The following SEZ6 variants were observed in gnomAD, a reference collection of about 807,000 sequenced individuals.
The protein encoded by SEZ6 is seizure related 6 homolog.
Under a neutral mutation model 101.0 loss-of-function variants are expected in SEZ6, and 53 were observed. The ratio of observed to expected loss-of-function variants is 0.52; its 90% CI spans 0.42 to 0.66. SEZ6 has a LOEUF of 0.66. Among genes scored for constraint, SEZ6 ranks in the 30% least tolerant of loss-of-function variants. The pLI, the probability that SEZ6 is intolerant of heterozygous loss-of-function variation, is 0.00. For synonymous variants in SEZ6, 488 were observed against 512.2 expected (o/e 0.95, Z 0.64); for missense variants, 1,102 against 1,289.4 (o/e 0.85, Z 2.23).
At chr17:28,975,809 C>T (rs539176789) in intron 3 of SEZ6, among the ~76,000 whole-genome samples, 5 of 152,322 alleles carry the variant, frequency 3.3e-5, no homozygotes, top group East Asian at 3.9e-4. Context: ...ACCTGGGGCA[C>T]GAGGGCAGGG....
rs374347358 is a variant in SEZ6 at position 28,971,071 on chromosome 17, G to A, written c.859-1119C>T. Among the ~76,000 whole-genome samples the A allele has an allele frequency of 6.6e-5, 10 of 152,284 alleles. 1 individual carries two copies. The South Asian group carries it at 1.9e-3, about 28-fold the overall frequency. ...AGGCAAACAAGGATTGGACAACGAC[G>A]GACTCTGCCCAGAGGGAAATTAGCA... On this transcript the variant is annotated intron_variant, in intron 3 of 16. Transcript: ENST00000317338.
At chr17:28,989,046 T>TG (rs1331561897) in intron 1 of SEZ6, among the ~76,000 whole-genome samples, 7 of 152,124 alleles carry the variant, frequency 4.6e-5, no homozygotes, top group African/African-American at 1.7e-4. Flanking sequence ...TCTCCAGAGT[T>TG]GGGGTCTCAC....
intron 1 of SEZ6, among the ~76,000 whole-genome samples, chr17:28,990,906 T>A (rs1308170809): frequency 2.0e-5 from 3 of 151,556 alleles, no homozygotes; most frequent in Non-Finnish European, 4.4e-5. Context: ...TTTATTTATT[T>A]ATTAAAAAAA....
At chr17:28,985,999 A>C (rs1304599671) in intron 1 of SEZ6, among the ~76,000 whole-genome samples, 1 of 151,450 alleles carries the variant, frequency 6.6e-6, no homozygotes, top group Non-Finnish European at 1.5e-5. Flanking sequence ...TCCGGGAAAC[A>C]CCCCTCCCTT....
intron 5 of SEZ6, among the ~76,000 whole-genome samples, chr17:28,961,590 T>C (rs1220708589): frequency 6.6e-6 from 1 of 152,226 alleles, no homozygotes; most frequent in Non-Finnish European, 1.5e-5. Flanking sequence ...TCACTACCAC[T>C]GCCGTTCCTG....
chr17:28,978,865 G>A (rs2041260004), intron 3 of SEZ6, among the ~76,000 whole-genome samples: 1 of 152,106 alleles, frequency 6.6e-6, no homozygotes. Context: ...TGTGGGGATG[G>A]AGGGAGAGAA....
At chr17:28,982,997 G>A (rs2041331924) in intron 1 of SEZ6, among the ~76,000 whole-genome samples, 1 of 152,218 alleles carries the variant, frequency 6.6e-6, no homozygotes, top group Admixed American at 6.5e-5. Context: ...TAGGGGCCCA[G>A]TAGTTTCTCT....
chr17:28,981,585 C>A lies in SEZ6; in HGVS notation c.510G>T (p.Glu170Asp). Reference protein sequence around the residue: ...SMAVPTLGPGEIASTTPPSRA... With the variant: ...SMAVPTLGPGDIASTTPPSRA... Reference sequence around the variant, plus strand: ...TGCTGGGGGGTGTAGTGCTGGCTATCTCCCCTGGGCCTAGGGTGGGCACTG... The same window carrying A: ...TGCTGGGGGGTGTAGTGCTGGCTATATCCCCTGGGCCTAGGGTGGGCACTG... Residue 170 changes from glutamate to aspartate, a missense_variant, in exon 2 of 17, where the codon GAG becomes GAT. By Grantham distance (45) the Glu-to-Asp change is conservative. Around this residue, in one of 3 missense-constraint regions of SEZ6, gnomAD observed 406 missense variants for 418.6 expected, o/e 0.97. Coordinates refer to ENST00000317338, the MANE Select transcript of SEZ6 (RefSeq NM_178860.5). 2 of 1,607,668 alleles carry A rather than the reference C, an allele frequency of 1.2e-6. No homozygotes were observed. Among genetic ancestry groups the A allele is most frequent in the Non-Finnish European group, 1.7e-6 (2 of 1,175,570 alleles).
At chr17:28,971,318 C>T (rs2041148171) in intron 3 of SEZ6, among the ~76,000 whole-genome samples, 1 of 152,138 alleles carries the variant, frequency 6.6e-6, no homozygotes, top group Non-Finnish European at 1.5e-5. Context: ...CTTGGCTGGG[C>T]GCTGTGGCTC....
rs1444072314 is a variant in SEZ6, at chr17:28,969,834, G to C, written c.977C>G (p.Pro326Arg). ...FLLRGQVIRSPTHQAALRFQS... is the reference protein window; with the variant it reads ...FLLRGQVIRSRTHQAALRFQS... ...GAACCTCAGGGCCGCTTGGTGGGTGGGGCTGCGGATGACTTGGCCCCGCAG... is the reference window on the plus strand; with the variant it reads ...GAACCTCAGGGCCGCTTGGTGGGTGCGGCTGCGGATGACTTGGCCCCGCAG... The change falls in exon 4 of 17, where the codon CCC becomes CGC. Residue 326 changes from proline (P) to arginine (R), a missense_variant. Transcript: ENST00000317338. 44 of 1,530,040 alleles carry C rather than the reference G, an allele frequency of 2.9e-5. No individual in the cohort carries two copies. In the East Asian group the frequency reaches 1.0e-3, roughly 36 times the overall value. The allele number at this position is 1,530,040 out of a possible 1,614,324, so 94.8% of individuals were successfully genotyped here.
At position 28,959,528 on chromosome 17, in the gene SEZ6, A is replaced by AC; in HGVS notation, c.1772-57dup. ...TTTCAAGCTTACCATGGTGTTGCTT[A>AC]CCATCTGCCCGCAGGAGTGCCCACA... On this transcript the variant is annotated intron_variant, in intron 8 of 16. Coordinates refer to ENST00000317338, the MANE Select transcript of SEZ6 (RefSeq NM_178860.5). This position sits in a 1 kb window ranked among gnomAD's most constrained non-coding sequence, Gnocchi z 4.4. The AC allele has an allele frequency of 6.3e-7, 1 of 1,592,490 alleles. No individual in the cohort carries two copies. Among genetic ancestry groups the AC allele is most frequent in the Non-Finnish European group, 8.5e-7 (1 of 1,170,740 alleles).
At position 29,005,405 on chromosome 17, in the gene SEZ6, G is replaced by A. The variant is rs1440985136; in HGVS notation, c.55+410C>T. On this transcript the variant is annotated intron_variant, in intron 1 of 16. Coordinates refer to ENST00000317338, the MANE Select transcript of SEZ6 (RefSeq NM_178860.5). This position sits in a 1 kb window ranked among gnomAD's most constrained non-coding sequence, Gnocchi z 4.8. Reference sequence around the variant, plus strand: ...CGAAGTTTGGCGGGCGGCAGGGGAAGCGGGACCACGGGCCGCCAGCTGGAC... The same window carrying A: ...CGAAGTTTGGCGGGCGGCAGGGGAAACGGGACCACGGGCCGCCAGCTGGAC... 6.6e-6 allele frequency among the ~76,000 whole-genome samples: 1 copy of A among 152,146 alleles called. No homozygotes were observed. The highest frequency in any genetic ancestry group is 1.5e-5 in the Non-Finnish European group (1 of 68,010).
At chr17:28,993,350 C>T (rs530887323) in intron 1 of SEZ6, among the ~76,000 whole-genome samples, 1 of 152,178 alleles carries the variant, frequency 6.6e-6, no homozygotes, top group Admixed American at 6.5e-5. Context: ...AGGAGCTACC[C>T]ACTGGCCCCA....
At position 28,969,842 on chromosome 17, in the gene SEZ6, G is replaced by GCACC; in HGVS notation, c.968_969insGGTG (p.Ile323MetfsTer57). On this transcript the variant is annotated frameshift_variant, in exon 4 of 17. Transcript: ENST00000317338. LOFTEE classifies it high-confidence loss of function. ...GGGCCGCTTGGTGGGTGGGGCTGCGGATGACTTGGCCCCGCAGCAGGAAAG... is the reference window on the plus strand; with the variant it reads ...GGGCCGCTTGGTGGGTGGGGCTGCGGCACCATGACTTGGCCCCGCAGCAGGAAAG... The GCACC allele has an allele frequency of 6.5e-7, 1 of 1,532,544 alleles. No individual in the cohort carries two copies. Among genetic ancestry groups the GCACC allele is most frequent in the Non-Finnish European group, 8.7e-7 (1 of 1,150,190 alleles). 94.9% of individuals were successfully genotyped at this position (1,532,544 alleles called of 1,614,324 possible). A position where few individuals can be genotyped will look rare whatever the true frequency, so the allele number is the denominator to read the frequency against.
intron 1 of SEZ6, among the ~76,000 whole-genome samples, chr17:28,985,259 T>C (rs2041363830): frequency 1.3e-5 from 2 of 152,292 alleles, no homozygotes; most frequent in South Asian, 4.1e-4. Flanking sequence ...CTCACGCCAT[T>C]TAGAAGTCTG....
At chr17:28,977,857 A>G (rs1169410637) in intron 3 of SEZ6, among the ~76,000 whole-genome samples, 1 of 152,224 alleles carries the variant, frequency 6.6e-6, no homozygotes, top group East Asian at 1.9e-4. Flanking sequence ...ATGATTTTAC[A>G]TTAATTACCT....
At chr17:28,976,937 T>G (rs1485757299) in intron 3 of SEZ6, among the ~76,000 whole-genome samples, 1 of 152,152 alleles carries the variant, frequency 6.6e-6, no homozygotes, top group Non-Finnish European at 1.5e-5. Context: ...CCCATCCCCA[T>G]CCCTGCCAGC....
At chr17:28,986,855 A>G (rs1175773989) in intron 1 of SEZ6, among the ~76,000 whole-genome samples, 1 of 152,148 alleles carries the variant, frequency 6.6e-6, no homozygotes, top group Non-Finnish European at 1.5e-5. Flanking sequence ...GGACAGACAT[A>G]TACTGTCACC....
At chr17:28,982,915 C>T (rs889637473) in intron 1 of SEZ6, among the ~76,000 whole-genome samples, 3 of 152,174 alleles carry the variant, frequency 2.0e-5, no homozygotes, top group Non-Finnish European at 4.4e-5. Context: ...CTCAAGCAAT[C>T]CTCTCACCTC....
Sources: gnomAD v4.1 joint callset for allele counts (sites outside exome capture counted in the v4.1 genomes callset) on GRCh38, gnomAD v4.1.1 for gene constraint, gnomAD v4.1.1 regional missense constraint, Gnocchi (gnomAD v3.1) non-coding constraint, MANE v1.5 for transcripts, NCBI Gene and HGNC (gene_info 2026-07-23, HGNC 2026-07-21) for gene names.